TMEM268: variants seen among roughly 807,000 people sequenced by gnomAD.
The protein encoded by TMEM268 is transmembrane protein C9orf91.
A neutral mutation model predicts 39.1 loss-of-function variants in TMEM268; 24 were observed. The ratio of observed to expected loss-of-function variants is 0.61; its 90% CI spans 0.44 to 0.86. TMEM268 has a LOEUF of 0.86. Among genes scored for constraint, TMEM268 ranks in the 40% least tolerant of loss-of-function variants. The pLI is 0.00. For synonymous variants in TMEM268, 176 were observed against 173.5 expected (o/e 1.01, Z -0.12); for missense variants, 409 against 428.6 (o/e 0.95, Z 0.40).
chr9:114,624,292 C>T (rs766822311), intron 2 of TMEM268, 58 bp from the exon 3 acceptor site: 18 of 1,549,372 alleles, frequency 1.2e-5, no homozygotes, highest in Non-Finnish European at 1.3e-5. Context: ...TTCGGGCTCA[C>T]CCCACGAGCC....
At chr9:114,633,690 T>C in intron 5 of TMEM268, 78 bp from the exon 6 acceptor site, 1 of 665,850 alleles carries the variant, frequency 1.5e-6, no homozygotes, top group South Asian at 2.1e-5. Flanking sequence ...GGTGGGATGG[T>C]GTGTTTCTAC....
In TMEM268 at chr9:114,617,034, G is replaced by A. The variant is rs996720811; in HGVS notation, c.-78-84G>A. On this transcript the variant is annotated intron_variant, in intron 1 of 8. Transcript: ENST00000288502. ...CGGGTAACTCTCCCTGGCCTTTGGT[G>A]ACTTTGGCCCTGGAGACAGCCCCTA... is the stretch of plus-strand genomic sequence containing the variant. The A allele has an allele frequency of 9.5e-6, 5 of 527,706 alleles. No homozygotes were observed. In the South Asian group the frequency reaches 1.1e-4, roughly 12 times the overall value. The allele number at this position is 527,706 out of a possible 1,614,324, so 32.7% of individuals were successfully genotyped here.
chr9:114,622,622 G>A (rs915125566), intron 2 of TMEM268: 1 of 485,950 alleles, frequency 2.1e-6, no homozygotes, highest in African/African-American at 2.1e-5. Flanking sequence ...CGGGGGCTTT[G>A]GTAGCAGTTG....
chr9:114,638,448 C>T (rs1297838574), intron 7 of TMEM268, 96 bp from the exon 8 acceptor site: 2 of 894,784 alleles, frequency 2.2e-6, no homozygotes, highest in African/African-American at 3.5e-5. Context: ...TCTGAGACCT[C>T]ATCTTCTGCT....
At chr9:114,628,301 G>T in intron 5 of TMEM268, 51 bp downstream of exon 5, 1 of 1,584,384 alleles carries the variant, frequency 6.3e-7, no homozygotes, top group Non-Finnish European at 8.6e-7. Flanking sequence ...AGCGGTGCAG[G>T]CGTGAGAATC....
chr9:114,610,302 G>A (rs553174724), upstream of TMEM268, among the ~76,000 whole-genome samples: 1 of 152,262 alleles, frequency 6.6e-6, no homozygotes, highest in South Asian at 2.1e-4. Flanking sequence ...GCCTCCCAAA[G>A]TGCTGGGATT....
chr9:114,636,923 C>T (rs781697376), intron 6 of TMEM268, 67 bp from the exon 7 acceptor site: 57 of 1,001,422 alleles, frequency 5.7e-5, no homozygotes, highest in Non-Finnish European at 8.8e-5. Flanking sequence ...AGGACTGTCT[C>T]AGGGAGGAAG....
intron 2 of TMEM268, among the ~76,000 whole-genome samples, chr9:114,619,504 A>G (rs980383601): frequency 6.6e-6 from 1 of 152,236 alleles, no homozygotes; most frequent in African/African-American, 2.4e-5. Flanking sequence ...TTGCTTGGGC[A>G]AACACGTAAT....
rs1306952739 is a variant in TMEM268, at chr9:114,617,136, G to C, written c.-60G>C. 3 of 1,134,698 alleles carry C rather than the reference G, an allele frequency of 2.6e-6. No homozygotes were observed. Among genetic ancestry groups the C allele is most frequent in the Non-Finnish European group, 3.9e-6 (3 of 778,648 alleles). 70.3% of individuals were successfully genotyped at this position (1,134,698 alleles called of 1,614,324 possible). On this transcript the variant is annotated 5_prime_UTR_variant, in exon 2 of 9. Coordinates refer to ENST00000288502, the MANE Select transcript of TMEM268 (RefSeq NM_153045.4). ...TCTGAAGGCATATGATGCTGAGCTG[G>C]CTGCTCCAGAATGAACCACAGCTCT...
chr9:114,642,306 G>T (rs1490396131), intron 8 of TMEM268, among the ~76,000 whole-genome samples: 1 of 152,088 alleles, frequency 6.6e-6, no homozygotes, highest in Non-Finnish European at 1.5e-5. Context: ...GTCCTTTTGT[G>T]ATAAACCTAA....
intron 2 of TMEM268, 174 bp from the exon 3 acceptor site, chr9:114,624,176 T>C: frequency 2.2e-6 from 3 of 1,372,962 alleles, no homozygotes; most frequent in African/African-American, 1.5e-5. Flanking sequence ...TCCTGGGGGC[T>C]TCCCAGTCAA....
At chr9:114,632,523 C>T (rs1846445594) in intron 5 of TMEM268, among the ~76,000 whole-genome samples, 2 of 152,192 alleles carry the variant, frequency 1.3e-5, no homozygotes, top group Admixed American at 6.5e-5. Context: ...CTCTTCTCCC[C>T]CACCTGTTTA....
At chr9:114,641,201 G>A (rs1257712869) in intron 8 of TMEM268, among the ~76,000 whole-genome samples, 1 of 152,106 alleles carries the variant, frequency 6.6e-6, no homozygotes, top group Non-Finnish European at 1.5e-5. Context: ...AATCCTCACT[G>A]TAACTTAGAG....
chr9:114,633,741 G>C (rs1447221204), intron 5 of TMEM268, 27 bp from the exon 6 acceptor site: 1 of 1,348,828 alleles, frequency 7.4e-7, no homozygotes, highest in African/African-American at 1.5e-5. Context: ...TGGAGGTCTG[G>C]TGATGGGCCT....
chr9:114,639,312 T>C (rs1184016742), intron 8 of TMEM268, among the ~76,000 whole-genome samples: 3 of 152,086 alleles, frequency 2.0e-5, no homozygotes, highest in African/African-American at 7.2e-5. Context: ...ATTTTTTGTA[T>C]TTTTATTAGA....
At position 114,643,493 on chromosome 9, in the gene TMEM268, C is replaced by A. The variant is rs1316221346; in HGVS notation, c.*180C>A. ...CACTTCAGGGCCCAGCACAAAAATC[C>A]TTGTTTGACATCTCATGCTGACCCC... On this transcript the variant is annotated 3_prime_UTR_variant, in exon 9 of 9. Coordinates refer to ENST00000288502, the MANE Select transcript of TMEM268 (RefSeq NM_153045.4). 38 of 601,310 alleles carry A rather than the reference C, an allele frequency of 6.3e-5. No homozygotes were observed. In the East Asian group the frequency reaches 1.1e-3, roughly 17 times the overall value. 37.2% of individuals were successfully genotyped at this position (601,310 alleles called of 1,614,324 possible). A position where few individuals can be genotyped will look rare whatever the true frequency, so the allele number is the denominator to read the frequency against.
At chr9:114,608,859 T>C (rs1326211031), upstream of TMEM268, among the ~76,000 whole-genome samples, 1 of 152,150 alleles carries the variant, frequency 6.6e-6, no homozygotes, top group Non-Finnish European at 1.5e-5. Context: ...TGGATCCTTG[T>C]GAATGAGGGT....
intron 1 of TMEM268, among the ~76,000 whole-genome samples, chr9:114,614,381 G>GT (rs1169636491): frequency 6.6e-6 from 1 of 152,214 alleles, no homozygotes; most frequent in African/African-American, 2.4e-5. Flanking sequence ...GTCACACAGG[G>GT]TCCCCCACTT....
chr9:114,627,480 C>A (rs1846213873), intron 4 of TMEM268, among the ~76,000 whole-genome samples: 1 of 152,086 alleles, frequency 6.6e-6, no homozygotes. Context: ...ACATAAATGA[C>A]AGAGCCAGGA....
Sources: gnomAD v4.1 joint callset for allele counts (sites outside exome capture counted in the v4.1 genomes callset) on GRCh38, gnomAD v4.1.1 for gene constraint, MANE v1.5 for transcripts, NCBI Gene and HGNC (gene_info 2026-07-23, HGNC 2026-07-21) for gene names.